Variants in LINGO2 observed in about 807,000 individuals in gnomAD.
The protein encoded by LINGO2 is leucine-rich repeat and immunoglobulin-like domain-containing nogo receptor-interacting protein 2.
Under a neutral mutation model 30.6 loss-of-function variants are expected in LINGO2, and 14 were observed. The observed-to-expected ratio is 0.46, with a 90% CI of 0.30 to 0.72. LINGO2 has a LOEUF of 0.72. Among genes scored for constraint, LINGO2 ranks in the 30% least tolerant of loss-of-function variants. LINGO2 has a pLI of 0.07. For synonymous variants in LINGO2, 317 were observed against 288.5 expected (o/e 1.10, Z -1.00); for missense variants, 729 against 751.7 (o/e 0.97, Z 0.35).
chr9:28,862,060 T>A, the LINGO2 span, among the ~76,000 whole-genome samples: 1 of 152,034 alleles, frequency 6.6e-6, no homozygotes. Flanking sequence ...TCAAAGGAAA[T>A]TTTACAGGTG....
chr9:27,996,472 T>C (rs1821667512), intron 5 of LINGO2, among the ~76,000 whole-genome samples: 1 of 152,146 alleles, frequency 6.6e-6, no homozygotes, highest in African/African-American at 2.4e-5. Flanking sequence ...AATCCTGTCA[T>C]TTGCAGTAAC....
the LINGO2 span, among the ~76,000 whole-genome samples, chr9:29,147,780 A>G: frequency 2.0e-5 from 3 of 152,102 alleles, no homozygotes; most frequent in East Asian, 5.8e-4. Flanking sequence ...TACTTGGTTT[A>G]TAACTGAACA....
the LINGO2 span, among the ~76,000 whole-genome samples, chr9:29,148,156 A>C: frequency 6.6e-6 from 1 of 152,080 alleles, no homozygotes; most frequent in East Asian, 1.9e-4. Context: ...ATATGTTTCA[A>C]TGTGTATGTC....
chr9:29,051,633 T>G, the LINGO2 span, among the ~76,000 whole-genome samples: 2 of 152,164 alleles, frequency 1.3e-5, no homozygotes, highest in Admixed American at 6.5e-5. Flanking sequence ...TGTTTGTTTT[T>G]TGGATCTCTA....
intron 1 of LINGO2, among the ~76,000 whole-genome samples, chr9:28,500,107 T>C (rs1275117222): frequency 6.6e-6 from 1 of 152,178 alleles, no homozygotes; most frequent in African/African-American, 2.4e-5. Context: ...TGGCTGATGC[T>C]GAATCTTTTG....
intron 4 of LINGO2, among the ~76,000 whole-genome samples, chr9:28,189,469 AAGGAAGGG>A (rs1819696610): frequency 1.6e-5 from 1 of 62,770 alleles, no homozygotes; most frequent in African/African-American, 9.0e-5. Context: ...GGGAGGGAGG[AAGGAAGGG>A]AGGGAGGAAG....
the LINGO2 span, among the ~76,000 whole-genome samples, chr9:28,986,337 A>T: frequency 0.51 from 78,144 of 151,812 alleles, 21,230 homozygotes; most frequent in Non-Finnish European, 0.6. Context: ...CTTTTTGTTT[A>T]TGATTGCCTT....
At chr9:28,968,660 G>A in the LINGO2 span, among the ~76,000 whole-genome samples, 1 of 152,100 alleles carries the variant, frequency 6.6e-6, no homozygotes, top group African/African-American at 2.4e-5. Context: ...TATAAATGCA[G>A]AGAATGAATT....
rs1427973371 is a variant in LINGO2 at position 28,148,313 on chromosome 9, C to G, written c.-86-135908G>C. The G allele has an allele frequency of 1.8e-5, 15 of 851,586 alleles. No individual in the cohort carries two copies. The East Asian group carries it at 3.7e-4, about 21-fold the overall frequency. 52.8% of individuals were successfully genotyped at this position (851,586 alleles called of 1,614,324 possible). On this transcript the variant is annotated intron_variant, in intron 4 of 5. Transcript: ENST00000379992. The surrounding 1 kb of genome is among the most constrained non-coding windows in gnomAD (Gnocchi z 5.1). The stretch of plus-strand genomic sequence containing the variant: ...AAGGAAGAAACCCATGCTGTCTGCT[C>G]ACAACTCCAGGATGTTTGGACACCT...
intron 1 of LINGO2, among the ~76,000 whole-genome samples, chr9:28,622,268 A>G (rs2118633): frequency 6.6e-6 from 1 of 151,718 alleles, no homozygotes; most frequent in Admixed American, 6.6e-5. Context: ...CTAATTTTTG[A>G]ACCTATTAAC....
At chr9:28,018,903 T>C (rs1295688060) in intron 4 of LINGO2, among the ~76,000 whole-genome samples, 2 of 152,110 alleles carry the variant, frequency 1.3e-5, no homozygotes, top group South Asian at 2.1e-4. Flanking sequence ...ATTGCAGCAC[T>C]ATTCACAAGA....
At chr9:28,873,185 A>G in the LINGO2 span, among the ~76,000 whole-genome samples, 1 of 151,946 alleles carries the variant, frequency 6.6e-6, no homozygotes, top group Admixed American at 6.6e-5. Flanking sequence ...CCTGGCCAGC[A>G]TGGTGAAACC....
the LINGO2 span, among the ~76,000 whole-genome samples, chr9:28,760,738 G>T: frequency 1.1e-4 from 17 of 151,646 alleles, no homozygotes; most frequent in Admixed American, 1.1e-3. Context: ...CACTTTATCA[G>T]TGAGAACACA....
chr9:28,517,280 T>C (rs963808923), intron 1 of LINGO2, among the ~76,000 whole-genome samples: 5 of 152,202 alleles, frequency 3.3e-5, no homozygotes, highest in African/African-American at 1.2e-4. Flanking sequence ...AGATCTTTAA[T>C]ATCACACTAA....
chr9:28,469,487 A>G (rs958679974), intron 2 of LINGO2, among the ~76,000 whole-genome samples: 12 of 152,176 alleles, frequency 7.9e-5, no homozygotes, highest in African/African-American at 2.9e-4. Context: ...AATTCCAAGT[A>G]GAATAAAGAG....
At chr9:28,879,955 C>T in the LINGO2 span, among the ~76,000 whole-genome samples, 1 of 151,992 alleles carries the variant, frequency 6.6e-6, no homozygotes, top group Non-Finnish European at 1.5e-5. Context: ...CCTAGTCTTC[C>T]TAATACTTAT....
intron 1 of LINGO2, among the ~76,000 whole-genome samples, chr9:28,477,325 A>C (rs1825769355): frequency 6.6e-6 from 1 of 152,102 alleles, no homozygotes; most frequent in African/African-American, 2.4e-5. Context: ...AGGTGTTATT[A>C]ATATCCCTAC....
intron 3 of LINGO2, among the ~76,000 whole-genome samples, chr9:28,310,921 C>G (rs1824590151): frequency 6.6e-6 from 1 of 152,136 alleles, no homozygotes. Flanking sequence ...AATTTTAATG[C>G]TGATAACATG....
chr9:28,854,987 A>G, the LINGO2 span, among the ~76,000 whole-genome samples: 1 of 152,022 alleles, frequency 6.6e-6, no homozygotes, highest in African/African-American at 2.4e-5. Context: ...TATATTAAGT[A>G]ATATACATAT....
Sources: gnomAD v4.1 joint callset for allele counts (sites outside exome capture counted in the v4.1 genomes callset) on GRCh38, gnomAD v4.1.1 for gene constraint, Gnocchi (gnomAD v3.1) non-coding constraint, MANE v1.5 for transcripts, NCBI Gene and HGNC (gene_info 2026-07-23, HGNC 2026-07-21) for gene names.